SMURF2: variants seen among roughly 807,000 people sequenced by gnomAD.
The protein encoded by SMURF2 is E3 ubiquitin-protein ligase SMURF2.
A neutral mutation model predicts 109.6 loss-of-function variants in SMURF2; 48 were observed. The observed-to-expected ratio is 0.44, with a 90% CI of 0.35 to 0.56. The LOEUF (loss-of-function observed/expected upper bound fraction) is 0.56, where lower values mean the gene tolerates loss of function less well. SMURF2 is among the 20% of genes least tolerant of loss of function. The probability of loss-of-function intolerance (pLI) is 0.01; values close to 1 mark genes in which losing one functional copy is unlikely to be tolerated. For synonymous variants in SMURF2, 288 were observed against 317.1 expected, an observed-to-expected ratio of 0.91 and a Z score of 0.97; for missense variants, 575 against 909.0, an observed-to-expected ratio of 0.63 and a Z score of 4.72.
rs532613430 is a variant in SMURF2 at position 64,600,276 on chromosome 17, C to T, written c.92-1786G>A. Among the ~76,000 whole-genome samples, 23 of 152,248 alleles carry T rather than the reference C, an allele frequency of 1.5e-4. No homozygotes were observed. The South Asian group carries it at 4.6e-3, about 30-fold the overall frequency. The stretch of plus-strand genomic sequence containing the variant: ...GAAACTTGTATCAAAGATGACAATA[C>T]AGTTTTCAGCCCAAAGCAATAATGA... On this transcript the variant is annotated intron_variant, in intron 2 of 18. Coordinates refer to ENST00000262435, the MANE Select transcript of SMURF2 (RefSeq NM_022739.4).
At chr17:64,593,402 T>A in intron 4 of SMURF2, 38 bp downstream of exon 4, 1 of 1,590,520 alleles carries the variant, frequency 6.3e-7, no homozygotes, top group Non-Finnish European at 8.6e-7. Flanking sequence ...CACACACATA[T>A]ATGTTTTTTA....
chr17:64,621,987 A>ATAATAATAAT (rs1555690691), intron 1 of SMURF2, among the ~76,000 whole-genome samples: 12 of 132,544 alleles, frequency 9.1e-5, no homozygotes, highest in African/African-American at 1.9e-4. Flanking sequence ...AATAATAATA[A>ATAATAATAAT]AAAAAAGCAC....
intron 1 of SMURF2, among the ~76,000 whole-genome samples, chr17:64,637,923 C>CAA (rs59701513): frequency 0.033 from 2,427 of 72,492 alleles, 207 homozygotes; most frequent in African/African-American, 0.094. Flanking sequence ...GCGCCCTAGT[C>CAA]AAAAAAAAAA....
chr17:64,578,039 T>G (rs1164422630), intron 9 of SMURF2, among the ~76,000 whole-genome samples: 3 of 147,816 alleles, frequency 2.0e-5, no homozygotes, highest in African/African-American at 7.5e-5. Flanking sequence ...TCCACCTCCC[T>G]GGGTTCAAGC....
At chr17:64,569,169 A>G (rs781888291) in intron 10 of SMURF2, among the ~76,000 whole-genome samples, 23 of 151,428 alleles carry the variant, frequency 1.5e-4, no homozygotes, top group Admixed American at 4.6e-4. Context: ...GCGTGGTGGC[A>G]AGCACCTATA....
chr17:64,626,433 T>C (rs1411641209), intron 1 of SMURF2, among the ~76,000 whole-genome samples: 1 of 152,102 alleles, frequency 6.6e-6, no homozygotes, highest in Non-Finnish European at 1.5e-5. Context: ...TTCATTCAAG[T>C]TACTAATTAA....
Position 64,635,510 on chromosome 17 carries a change from C to T in SMURF2, c.52+26319G>A, listed in dbSNP as rs371581065. ...TGTTAGCAGTCACTCCCCATCTTCC[C>T]TCCCCCATCCCCTAGCAACCTGAAA... On this transcript the variant is annotated intron_variant, in intron 1 of 18. Transcript: ENST00000262435. 1.8e-4 allele frequency among the ~76,000 whole-genome samples: 28 copies of T among 152,206 alleles called. No individual in the cohort carries two copies. In the South Asian group the frequency reaches 5.6e-3, roughly 30 times the overall value.
Position 64,590,144 on chromosome 17 carries a change from C to CTTTTTTTT in SMURF2, c.400+932_400+939dup, listed in dbSNP as rs200015210. On this transcript the variant is annotated intron_variant, in intron 5 of 18. Coordinates refer to ENST00000262435, the MANE Select transcript of SMURF2 (RefSeq NM_022739.4). The stretch of plus-strand genomic sequence containing the variant: ...GACATTCCTATTGAATTTTTCTTTT[C>CTTTTTTTT]TTTTTTTTTTTTTTTGAGACAGGGT... Among the ~76,000 whole-genome samples the CTTTTTTTT allele has an allele frequency of 2.2e-5, 3 of 136,952 alleles. 1 individual carries two copies. Among genetic ancestry groups the CTTTTTTTT allele is most frequent in the African/African-American group, 8.4e-5 (3 of 35,864 alleles). The allele number at this position is 136,952 out of a possible 152,430, so 89.8% of individuals were successfully genotyped here.
Position 64,547,541 on chromosome 17 carries a change from C to A in SMURF2, c.2071+59G>T. 1 of 1,431,910 alleles carries A rather than the reference C, an allele frequency of 7.0e-7. No homozygotes were observed. Among genetic ancestry groups the A allele is most frequent in the Non-Finnish European group, 9.8e-7 (1 of 1,016,098 alleles). 88.7% of individuals were successfully genotyped at this position (1,431,910 alleles called of 1,614,324 possible). A position where few individuals can be genotyped will look rare whatever the true frequency, so the allele number is the denominator to read the frequency against. ...GGTTTACAAAATATCTCCACAGACC[C>A]CACGCTGACAGCCCCGCCCCCACCC... On this transcript the variant is annotated intron_variant, in intron 17 of 18. Transcript: ENST00000262435. This position sits in a 1 kb window ranked among gnomAD's most constrained non-coding sequence, Gnocchi z 4.2.
At chr17:64,628,191 G>A (rs1346785105) in intron 1 of SMURF2, among the ~76,000 whole-genome samples, 1 of 152,186 alleles carries the variant, frequency 6.6e-6, no homozygotes, top group Non-Finnish European at 1.5e-5. Context: ...TAGACATGGA[G>A]AGGAAATTTG....
intron 10 of SMURF2, among the ~76,000 whole-genome samples, chr17:64,568,965 G>A (rs1969357632): frequency 2.0e-5 from 3 of 151,626 alleles, no homozygotes; most frequent in South Asian, 2.1e-4. Flanking sequence ...TAGCACCACT[G>A]CACTCCAGCC....
At chr17:64,599,508 C>G (rs1399841778) in intron 2 of SMURF2, among the ~76,000 whole-genome samples, 1 of 152,140 alleles carries the variant, frequency 6.6e-6, no homozygotes, top group African/African-American at 2.4e-5. Context: ...CACCATGGGC[C>G]GGTACAGGTT....
chr17:64,588,517 G>A (rs1264113642), intron 5 of SMURF2, among the ~76,000 whole-genome samples: 1 of 151,876 alleles, frequency 6.6e-6, no homozygotes, highest in African/African-American at 2.4e-5. Context: ...AGAAAGCAAA[G>A]TAAAAAGTTA....
At chr17:64,605,744 A>AATATATATATATATATATATATATATAT (rs71158333) in intron 2 of SMURF2, among the ~76,000 whole-genome samples, 58 of 99,064 alleles carry the variant, frequency 5.9e-4, no homozygotes, top group African/African-American at 6.4e-4. Flanking sequence ...CTCTAAAAAG[A>AATATATATATATATATATATATATATAT]ATATATATAT....
chr17:64,645,247 T>G (rs1970544598), intron 1 of SMURF2, among the ~76,000 whole-genome samples: 1 of 152,184 alleles, frequency 6.6e-6, no homozygotes, highest in Non-Finnish European at 1.5e-5. Flanking sequence ...ATAAATCTGT[T>G]TTCTATAATA....
chr17:64,602,322 GAAATAAAA>G (rs1969909375), intron 2 of SMURF2, among the ~76,000 whole-genome samples: 3 of 151,748 alleles, frequency 2.0e-5, no homozygotes, highest in Admixed American at 6.6e-5. Flanking sequence ...AAAACTTATT[GAAATAAAA>G]AAATAAAATA....
At chr17:64,592,838 T>C (rs1171631899) in intron 4 of SMURF2, among the ~76,000 whole-genome samples, 6 of 152,254 alleles carry the variant, frequency 3.9e-5, no homozygotes, top group Non-Finnish European at 8.8e-5. Context: ...TCTAATCTTC[T>C]AAATCCTCAG....
At chr17:64,558,601 T>C (rs1178530561) in intron 12 of SMURF2, among the ~76,000 whole-genome samples, 1 of 152,180 alleles carries the variant, frequency 6.6e-6, no homozygotes, top group Non-Finnish European at 1.5e-5. Flanking sequence ...AAAATATAAG[T>C]GGGCAAGGAT....
chr17:64,626,017 T>C (rs1342405120), intron 1 of SMURF2, among the ~76,000 whole-genome samples: 5 of 152,164 alleles, frequency 3.3e-5, no homozygotes, highest in African/African-American at 1.2e-4. Context: ...CTTATGCCTA[T>C]AATCCCAGCA....
Sources: allele counts gnomAD v4.1 joint callset (sites outside exome capture counted in the v4.1 genomes callset), GRCh38; gene constraint gnomAD v4.1.1; non-coding constraint Gnocchi (gnomAD v3.1); transcripts MANE v1.5; gene names NCBI Gene and HGNC (gene_info 2026-07-23, HGNC 2026-07-21).